The following SEMA5A variants were observed in gnomAD, a reference collection of about 807,000 sequenced individuals.
SEMA5A encodes semaphorin-5A.
In SEMA5A, 55 loss-of-function variants were observed where a neutral mutation model predicts 135.5. The observed-to-expected ratio is 0.41, with a 90% CI of 0.33 to 0.51. SEMA5A has a LOEUF of 0.51. SEMA5A is among the 20% of genes least tolerant of loss of function. SEMA5A has a pLI of 0.37. For missense variants in SEMA5A, 1,290 were observed against 1,419.9 expected (o/e 0.91, Z 1.47); for synonymous variants, 580 against 546.5 (o/e 1.06, Z -0.85).
intron 12 of SEMA5A, among the ~76,000 whole-genome samples, chr5:9,142,090 A>G (rs1742094983): frequency 6.6e-6 from 1 of 152,218 alleles, no homozygotes; most frequent in East Asian, 1.9e-4. Context: ...AGCTCCAAGA[A>G]CTTCCCATTT....
At chr5:9,490,831 T>C (rs1186933472) in intron 1 of SEMA5A, among the ~76,000 whole-genome samples, 7 of 152,210 alleles carry the variant, frequency 4.6e-5, no homozygotes, top group Non-Finnish European at 7.3e-5. Flanking sequence ...TGGCTTCTTT[T>C]ATTCAAATTA....
At chr5:9,102,727 T>G (rs1403094666) in intron 16 of SEMA5A, among the ~76,000 whole-genome samples, 1 of 152,200 alleles carries the variant, frequency 6.6e-6, no homozygotes, top group Non-Finnish European at 1.5e-5. Context: ...TTAAAATTTA[T>G]ACGAAAATAT....
At chr5:9,487,572 A>G (rs1244022315) in intron 1 of SEMA5A, among the ~76,000 whole-genome samples, 11 of 152,170 alleles carry the variant, frequency 7.2e-5, no homozygotes, top group Non-Finnish European at 1.3e-4. Flanking sequence ...ATTCCATAAT[A>G]ATTCCATATG....
chr5:9,258,056 G>C (rs1401742246), intron 5 of SEMA5A, among the ~76,000 whole-genome samples: 1 of 152,140 alleles, frequency 6.6e-6, no homozygotes, highest in African/African-American at 2.4e-5. Context: ...TACACATTTG[G>C]ACTGAATACT....
At chr5:9,325,563 A>G (rs1196770808) in intron 4 of SEMA5A, among the ~76,000 whole-genome samples, 2 of 151,974 alleles carry the variant, frequency 1.3e-5, no homozygotes, top group Non-Finnish European at 2.9e-5. Flanking sequence ...ACTAAGCATA[A>G]CAATATATTC....
chr5:9,500,275 C>T (rs1457177228), intron 1 of SEMA5A, among the ~76,000 whole-genome samples: 1 of 152,192 alleles, frequency 6.6e-6, no homozygotes, highest in African/African-American at 2.4e-5. Flanking sequence ...CTTGCTCCTT[C>T]ATAAATTCAC....
chr5:9,467,086 C>G lies in SEMA5A; in HGVS notation c.-174-29234G>C, dbSNP rs149485728. Among the ~76,000 whole-genome samples the G allele has an allele frequency of 6.6e-3, 1,011 of 152,302 alleles. 10 individuals are homozygous for G. The highest frequency in any genetic ancestry group is 0.022 in the African/African-American group (895 of 41,570). On this transcript the variant is annotated intron_variant, in intron 1 of 22. Coordinates refer to ENST00000382496, the MANE Select transcript of SEMA5A (RefSeq NM_003966.3). ...TCTTTTGAGCTAAAAGAATCAGATG[C>G]CAAGAACAGGGAGATGAGATGCATG...
chr5:9,087,434 A>AATC (rs1738759894), intron 16 of SEMA5A, among the ~76,000 whole-genome samples: 1 of 152,184 alleles, frequency 6.6e-6, no homozygotes, highest in South Asian at 2.1e-4. Context: ...ATGATTTGAA[A>AATC]ATCATTCTGC....
At chr5:9,497,227 A>G (rs755228571) in intron 1 of SEMA5A, among the ~76,000 whole-genome samples, 4 of 152,234 alleles carry the variant, frequency 2.6e-5, no homozygotes, top group Non-Finnish European at 4.4e-5. Flanking sequence ...AAGAGTAACC[A>G]GCCTCTATAT....
chr5:9,096,761 T>A (rs1299522570), intron 16 of SEMA5A, among the ~76,000 whole-genome samples: 1 of 152,084 alleles, frequency 6.6e-6, no homozygotes, highest in Non-Finnish European at 1.5e-5. Flanking sequence ...AAAATATATA[T>A]GACCCAATTA....
At chr5:9,388,794 G>C (rs1415904363) in intron 2 of SEMA5A, among the ~76,000 whole-genome samples, 1 of 152,014 alleles carries the variant, frequency 6.6e-6, no homozygotes, top group Non-Finnish European at 1.5e-5. Context: ...AGCTACCCTG[G>C]AGGCTGAGGC....
chr5:9,512,971 C>T (rs573865025), intron 1 of SEMA5A, among the ~76,000 whole-genome samples: 18 of 151,504 alleles, frequency 1.2e-4, no homozygotes, highest in South Asian at 4.2e-4. Flanking sequence ...AAGCAAGGAA[C>T]GCATTAATGA....
At chr5:9,073,080 C>T (rs550677972) in intron 16 of SEMA5A, among the ~76,000 whole-genome samples, 1 of 152,134 alleles carries the variant, frequency 6.6e-6, no homozygotes, top group South Asian at 2.1e-4. Context: ...ACAGTATCTC[C>T]CAAGTCATTC....
chr5:9,136,439 G>T, intron 13 of SEMA5A, 65 bp downstream of exon 13: 1 of 1,344,988 alleles, frequency 7.4e-7, no homozygotes, highest in Non-Finnish European at 1.1e-6. Flanking sequence ...TGTGACTGAG[G>T]ATCGCCAGGG....
intron 1 of SEMA5A, among the ~76,000 whole-genome samples, chr5:9,473,792 G>A (rs887361440): frequency 8.5e-5 from 13 of 152,132 alleles, no homozygotes; most frequent in African/African-American, 3.1e-4. Context: ...GCATCAGCAC[G>A]AGGATACCAG....
intron 5 of SEMA5A, among the ~76,000 whole-genome samples, chr5:9,299,777 G>A (rs1187031855): frequency 6.6e-6 from 1 of 152,048 alleles, no homozygotes; most frequent in Non-Finnish European, 1.5e-5. Flanking sequence ...ATATTTTCAG[G>A]AAAACATAGT....
At position 9,119,138 on chromosome 5, in the gene SEMA5A, G is replaced by T. The variant is rs769831502; in HGVS notation, c.1785C>A (p.Asn595Lys). The T allele has an allele frequency of 6.8e-6, 11 of 1,613,326 alleles. No homozygotes were observed. Among genetic ancestry groups the T allele is most frequent in the Non-Finnish European group, 9.3e-6 (11 of 1,179,788 alleles). ...ACGAGGTCCAGGGAGTCCAGCCTCCGTTCCTGAGGGAAGGGAAGCAATGCA... is the reference window on the plus strand; with the variant it reads ...ACGAGGTCCAGGGAGTCCAGCCTCCTTTCCTGAGGGAAGGGAAGCAATGCA... Reference protein sequence around the residue: ...PGMEIANCSRNGGWTPWTSWS... With the variant: ...PGMEIANCSRKGGWTPWTSWS... Residue 595 changes from asparagine to lysine, a missense_variant, in exon 15 of 23, where the codon AAC becomes AAA. Physicochemically the swap from Asn to Lys is moderately conservative, Grantham distance 94 (BLOSUM62 0). This residue lies in a region of SEMA5A where 1,029 missense variants were observed against 1,086.6 expected (regional missense o/e 0.95). Coordinates refer to ENST00000382496, the MANE Select transcript of SEMA5A (RefSeq NM_003966.3).
At chr5:9,362,371 G>C (rs1754735637) in intron 3 of SEMA5A, among the ~76,000 whole-genome samples, 1 of 152,072 alleles carries the variant, frequency 6.6e-6, no homozygotes, top group African/African-American at 2.4e-5. Flanking sequence ...CATTATATGA[G>C]GGTAAGAGAT....
At chr5:9,159,123 T>C (rs1743112337) in intron 11 of SEMA5A, among the ~76,000 whole-genome samples, 1 of 152,234 alleles carries the variant, frequency 6.6e-6, no homozygotes, top group African/African-American at 2.4e-5. Context: ...AGTGAAGATA[T>C]GTTGGATATA....
Sources: gnomAD v4.1 joint callset for allele counts (sites outside exome capture counted in the v4.1 genomes callset) on GRCh38, gnomAD v4.1.1 for gene constraint, gnomAD v4.1.1 regional missense constraint, MANE v1.5 for transcripts, NCBI Gene and HGNC (gene_info 2026-07-23, HGNC 2026-07-21) for gene names.